Variants in NRXN3 observed in about 807,000 individuals in gnomAD.
NRXN3 encodes the protein neurexin III.
A neutral mutation model predicts 137.6 loss-of-function variants in NRXN3; 32 were observed. The ratio of observed to expected loss-of-function variants is 0.23; its 90% CI spans 0.18 to 0.31. The LOEUF is 0.31. NRXN3 is among the 10% of genes least tolerant of loss of function. The pLI is 1.00. For synonymous variants in NRXN3, 798 were observed against 784.5 expected, an observed-to-expected ratio of 1.02 and a Z score of -0.29; for missense variants, 1,574 against 2,062.5, an observed-to-expected ratio of 0.76 and a Z score of 4.59.
chr14:78,537,685 A>C (rs2096549707), intron 4 of NRXN3, among the ~76,000 whole-genome samples: 1 of 152,208 alleles, frequency 6.6e-6, no homozygotes, highest in Non-Finnish European at 1.5e-5. Flanking sequence ...GTCCTTGCCC[A>C]TGCCTATGTA....
intron 4 of NRXN3, among the ~76,000 whole-genome samples, chr14:78,503,964 A>G (rs1436857250): frequency 1.3e-5 from 2 of 152,204 alleles, no homozygotes; most frequent in East Asian, 3.8e-4. Flanking sequence ...AGAGACCACA[A>G]AAGTAGAGTT....
In NRXN3 at chr14:79,697,848, C is replaced by A; in HGVS notation, c.3925C>A (p.Pro1309Thr). 6.2e-7 allele frequency: 1 copy of A among 1,613,252 alleles called. No individual in the cohort carries two copies. The highest frequency in any genetic ancestry group is 8.5e-7 in the Non-Finnish European group (1 of 1,179,450). Residue 1309 changes from proline to threonine, a missense_variant, in exon 19 of 21, where the codon CCA (proline) becomes ACA (threonine). Around this residue, in one of 5 missense-constraint regions of NRXN3, gnomAD observed 320 missense variants for 387.1 expected, o/e 0.83. Transcript: ENST00000335750. ...GGGAACAACACAGACGACCTCCATG[C>A]CACCAGAAATGTCTACTACTGTCAT... The part of the protein sequence containing the change: ...ILGTTQTTSM[P>T]PEMSTTVMET...
chr14:79,402,247 G>A (rs1438217839), intron 15 of NRXN3, among the ~76,000 whole-genome samples: 1 of 151,874 alleles, frequency 6.6e-6, no homozygotes, highest in Non-Finnish European at 1.5e-5. Flanking sequence ...TTTTTTCTGT[G>A]TCTAAAATTC....
intron 6 of NRXN3, among the ~76,000 whole-genome samples, chr14:78,659,494 C>T (rs2097816917): frequency 6.6e-6 from 1 of 151,798 alleles, no homozygotes; most frequent in Admixed American, 6.6e-5. Context: ...GCCTGGTAAA[C>T]TTAAGGAGAC....
chr14:79,778,103 T>C (rs1369609599), intron 19 of NRXN3, among the ~76,000 whole-genome samples: 1 of 152,140 alleles, frequency 6.6e-6, no homozygotes, highest in African/African-American at 2.4e-5. Context: ...GTCAGACAGG[T>C]TTGGCTGAAT....
chr14:78,259,609 A>G (rs909962714), intron 2 of NRXN3, among the ~76,000 whole-genome samples: 3 of 152,206 alleles, frequency 2.0e-5, no homozygotes, highest in Non-Finnish European at 4.4e-5. Context: ...AGTGCTGGTA[A>G]TTAATTCACT....
intron 4 of NRXN3, among the ~76,000 whole-genome samples, chr14:78,614,671 A>C (rs758490685): frequency 6.6e-6 from 1 of 152,120 alleles, no homozygotes; most frequent in Non-Finnish European, 1.5e-5. Flanking sequence ...GTATCACCCC[A>C]CAGAAAACAT....
intron 15 of NRXN3, among the ~76,000 whole-genome samples, chr14:79,443,819 C>T (rs1022119608): frequency 1.3e-5 from 2 of 152,196 alleles, no homozygotes; most frequent in Non-Finnish European, 2.9e-5. Flanking sequence ...TTAACTTGCA[C>T]TCACCCTAAT....
chr14:78,961,943 C>CT (rs1056284140), intron 11 of NRXN3, among the ~76,000 whole-genome samples: 41 of 152,208 alleles, frequency 2.7e-4, no homozygotes, highest in African/African-American at 8.4e-4. Flanking sequence ...AACAATGCTG[C>CT]TTTAGGGAGG....
intron 1 of NRXN3, among the ~76,000 whole-genome samples, chr14:78,238,737 T>G (rs2066679498): frequency 6.6e-6 from 1 of 152,162 alleles, no homozygotes; most frequent in Non-Finnish European, 1.5e-5. Context: ...AAAGAAAGCT[T>G]GGGTTTCCTC....
intron 4 of NRXN3, among the ~76,000 whole-genome samples, chr14:78,520,344 A>G (rs1313188589): frequency 3.9e-5 from 6 of 152,154 alleles, no homozygotes. Context: ...TCTCCCAGAT[A>G]TTTTAGCATT....
intron 17 of NRXN3, among the ~76,000 whole-genome samples, chr14:79,689,044 T>A (rs2098706188): frequency 6.6e-6 from 1 of 152,130 alleles, no homozygotes; most frequent in Admixed American, 6.6e-5. Context: ...GATTAAGAAA[T>A]GAAGTTATTA....
At chr14:79,529,457 A>G (rs1042318221) in intron 16 of NRXN3, among the ~76,000 whole-genome samples, 1 of 152,170 alleles carries the variant, frequency 6.6e-6, no homozygotes, top group African/African-American at 2.4e-5. Flanking sequence ...GTTTTTTCTT[A>G]AAACAGGTAC....
intron 1 of NRXN3, among the ~76,000 whole-genome samples, chr14:78,218,465 A>G (rs12887929): frequency 1.3e-5 from 2 of 152,164 alleles, no homozygotes; most frequent in African/African-American, 2.4e-5. Context: ...TCCCCATGAC[A>G]TCTATAAGTC....
chr14:79,235,454 C>T (rs1278840675), intron 15 of NRXN3, among the ~76,000 whole-genome samples: 3 of 152,102 alleles, frequency 2.0e-5, no homozygotes, highest in African/African-American at 7.2e-5. Flanking sequence ...GCAAATGCCT[C>T]CTAGTGACTT....
chr14:78,775,949 T>C (rs1472806557), intron 8 of NRXN3, among the ~76,000 whole-genome samples: 3 of 152,202 alleles, frequency 2.0e-5, no homozygotes, highest in Admixed American at 6.5e-5. Flanking sequence ...CATCCTACTC[T>C]GTCCTACCCA....
At chr14:78,593,380 G>A (rs2097133279) in intron 4 of NRXN3, among the ~76,000 whole-genome samples, 1 of 152,180 alleles carries the variant, frequency 6.6e-6, no homozygotes, top group African/African-American at 2.4e-5. Context: ...AGAGGCCAGG[G>A]AACCACCTGA....
At chr14:78,983,483 G>T (rs1268555448) in intron 14 of NRXN3, among the ~76,000 whole-genome samples, 1 of 152,104 alleles carries the variant, frequency 6.6e-6, no homozygotes, top group Non-Finnish European at 1.5e-5. Context: ...TGGGGTATTT[G>T]TTTTCTTACT....
intron 4 of NRXN3, among the ~76,000 whole-genome samples, chr14:78,516,962 G>A (rs1454358892): frequency 6.6e-6 from 1 of 152,090 alleles, no homozygotes; most frequent in East Asian, 1.9e-4. Context: ...TCTTCAGTCT[G>A]AAAAAGAAGG....
Sources: gnomAD v4.1 joint callset for allele counts (sites outside exome capture counted in the v4.1 genomes callset) on GRCh38, gnomAD v4.1.1 for gene constraint, gnomAD v4.1.1 regional missense constraint, MANE v1.5 for transcripts, NCBI Gene and HGNC (gene_info 2026-07-23, HGNC 2026-07-21) for gene names.